Variants in ANO6 observed in about 807,000 individuals in gnomAD.
ANO6 encodes anoctamin-6.
A neutral mutation model predicts 117.5 loss-of-function variants in ANO6; 106 were observed. That is an observed-to-expected ratio of 0.90 (90% CI 0.77 to 1.06). The LOEUF is 1.06. ANO6 is among the 50% of genes least tolerant of loss of function. The pLI is 0.00. For synonymous variants in ANO6, 367 were observed against 385.1 expected (o/e 0.95, Z 0.55); for missense variants, 955 against 1,121.1 (o/e 0.85, Z 2.12).
chr12:45,334,992 G>A (rs1940784723), intron 3 of ANO6, among the ~76,000 whole-genome samples: 1 of 151,906 alleles, frequency 6.6e-6, no homozygotes, highest in Non-Finnish European at 1.5e-5. Context: ...TCAGATGAGG[G>A]TGAAGATGGG....
intron 12 of ANO6, among the ~76,000 whole-genome samples, chr12:45,390,954 C>A (rs1942433435): frequency 6.6e-6 from 1 of 152,008 alleles, no homozygotes; most frequent in East Asian, 1.9e-4. Flanking sequence ...AACCCCGTCA[C>A]TACTGAAAAT....
intron 1 of ANO6, among the ~76,000 whole-genome samples, chr12:45,219,610 C>A (rs1329046373): frequency 1.3e-5 from 2 of 150,262 alleles, no homozygotes; most frequent in African/African-American, 4.9e-5. Flanking sequence ...TCCCAAAGTG[C>A]TGGGATTACA....
At chr12:45,307,094 G>C (rs942671421) in intron 2 of ANO6, among the ~76,000 whole-genome samples, 1 of 152,116 alleles carries the variant, frequency 6.6e-6, no homozygotes, top group Non-Finnish European at 1.5e-5. Flanking sequence ...ATAGGCCATT[G>C]TAAAGACTTT....
At chr12:45,220,307 CATGT>C (rs74629078) in intron 1 of ANO6, among the ~76,000 whole-genome samples, 17,797 of 152,018 alleles carry the variant, frequency 0.12, 1,474 homozygotes, top group East Asian at 0.3. Flanking sequence ...CACTAATGGT[CATGT>C]ATGTCATTGA....
At chr12:45,230,890 A>G (rs1204136440) in intron 1 of ANO6, among the ~76,000 whole-genome samples, 1 of 152,174 alleles carries the variant, frequency 6.6e-6, no homozygotes, top group Non-Finnish European at 1.5e-5. Context: ...TTATACCTGT[A>G]GTTCCCCAGG....
At chr12:45,327,848 T>A (rs908257594) in intron 2 of ANO6, among the ~76,000 whole-genome samples, 10 of 151,898 alleles carry the variant, frequency 6.6e-5, no homozygotes, top group East Asian at 1.9e-4. Context: ...GAAAAAAAAA[T>A]TTTATTCTAA....
At chr12:45,366,173 A>G (rs186668452) in intron 8 of ANO6, among the ~76,000 whole-genome samples, 54 of 151,198 alleles carry the variant, frequency 3.6e-4, no homozygotes, top group African/African-American at 1.2e-3. Context: ...TCTGACAAAT[A>G]ATCCTGTCAT....
intron 1 of ANO6, among the ~76,000 whole-genome samples, chr12:45,297,729 G>A (rs1176832064): frequency 6.6e-6 from 1 of 152,068 alleles, no homozygotes; most frequent in Non-Finnish European, 1.5e-5. Flanking sequence ...TTTAAAGTAT[G>A]CTCTTTTATT....
chr12:45,275,477 G>A (rs1938526654), intron 1 of ANO6, among the ~76,000 whole-genome samples: 1 of 152,136 alleles, frequency 6.6e-6, no homozygotes, highest in Non-Finnish European at 1.5e-5. Flanking sequence ...CAAAGTGCTG[G>A]GATTACAGGC....
chr12:45,431,452 T>TAAAAG lies in ANO6; in HGVS notation c.*2145_*2149dup. 1 of 985,430 alleles carries TAAAAG rather than the reference T, an allele frequency of 1.0e-6. No individual in the cohort carries two copies. The allele number at this position is 985,430 out of a possible 1,614,324, so 61.0% of individuals were successfully genotyped here. A position where few individuals can be genotyped will look rare whatever the true frequency, so the allele number is the denominator to read the frequency against. ...TATCTCCTGTATGTATGATAGAACT[T>TAAAAG]AAAAGAAATGTGCATTTGTTTTCAT... On this transcript the variant is annotated 3_prime_UTR_variant, in exon 20 of 20. Coordinates refer to ENST00000320560, the MANE Select transcript of ANO6 (RefSeq NM_001025356.3).
intron 14 of ANO6, 26 bp from the exon 15 acceptor site, chr12:45,403,413 A>G (rs759066962): frequency 1.9e-6 from 3 of 1,581,562 alleles, no homozygotes; most frequent in Non-Finnish European, 2.6e-6. Flanking sequence ...GAATATTTAA[A>G]TGGTATTTTC....
chr12:45,239,230 T>C (rs1317034048), intron 1 of ANO6, among the ~76,000 whole-genome samples: 1 of 152,246 alleles, frequency 6.6e-6, no homozygotes, highest in Non-Finnish European at 1.5e-5. Flanking sequence ...CTGTTATTGG[T>C]CTATGCAGAG....
intron 1 of ANO6, among the ~76,000 whole-genome samples, chr12:45,262,010 C>G (rs1938053576): frequency 6.6e-6 from 1 of 152,124 alleles, no homozygotes; most frequent in Non-Finnish European, 1.5e-5. Context: ...TGATTTTGAT[C>G]CACGTTTAAC....
At position 45,432,125 on chromosome 12, in the gene ANO6, T is replaced by C. The variant is rs1401025840; in HGVS notation, c.*2814T>C. ...TGTTGAAACACTTCTTGTACCATTT[T>C]ATGTTCATATTATGTTTGAGAGGGT... On this transcript the variant is annotated 3_prime_UTR_variant, in exon 20 of 20. Transcript: ENST00000320560. 1.0e-6 allele frequency: 1 copy of C among 985,446 alleles called. No homozygotes were observed. Among genetic ancestry groups the C allele is most frequent in the South Asian group, 4.7e-5 (1 of 21,284 alleles). The allele number at this position is 985,446 out of a possible 1,614,324, so 61.0% of individuals were successfully genotyped here.
At chr12:45,296,565 T>C (rs1939301282) in intron 1 of ANO6, among the ~76,000 whole-genome samples, 1 of 152,346 alleles carries the variant, frequency 6.6e-6, no homozygotes, top group Admixed American at 6.5e-5. Context: ...GTTATATCTC[T>C]ATCTGGCTAT....
At chr12:45,425,046 T>A (rs911458836) in intron 19 of ANO6, among the ~76,000 whole-genome samples, 2 of 152,090 alleles carry the variant, frequency 1.3e-5, no homozygotes, top group African/African-American at 4.8e-5. Flanking sequence ...ATAAGGAATA[T>A]AAATTAACTG....
chr12:45,242,226 C>T (rs1346891904), intron 1 of ANO6, among the ~76,000 whole-genome samples: 1 of 152,192 alleles, frequency 6.6e-6, no homozygotes, highest in African/African-American at 2.4e-5. Flanking sequence ...TGTGGTGGGC[C>T]CTGCCCAATT....
intron 1 of ANO6, chr12:45,256,685 TCCTTGATTAACTGAA>T (rs1307756764): frequency 6.6e-6 from 1 of 152,224 alleles, no homozygotes; most frequent in East Asian, 1.9e-4. Context: ...CATATTAAAT[TCCTTGATTAACTGAA>T]CCTTTCATTC....
intron 2 of ANO6, 112 bp downstream of exon 2, chr12:45,302,205 A>G: frequency 1.1e-6 from 1 of 933,354 alleles, no homozygotes; most frequent in Non-Finnish European, 1.7e-6. Flanking sequence ...TAGATCCTAC[A>G]TAGATCTTAT....
Sources: allele counts gnomAD v4.1 joint callset (sites outside exome capture counted in the v4.1 genomes callset), GRCh38; gene constraint gnomAD v4.1.1; transcripts MANE v1.5; gene names NCBI Gene and HGNC (gene_info 2026-07-23, HGNC 2026-07-21).